Variants in EXOC6 observed in about 807,000 individuals in gnomAD.
EXOC6 encodes the protein exocyst complex component 6, also known as SEC15-like 1.
EXOC6 carries 60 observed loss-of-function variants against 112.5 expected under a neutral mutation model. The observed-to-expected ratio is 0.53, with a 90% CI of 0.43 to 0.66. The LOEUF (loss-of-function observed/expected upper bound fraction) is 0.66. Among genes scored for constraint, EXOC6 ranks in the 30% least tolerant of loss-of-function variants. EXOC6 has a pLI of 0.00. For missense variants in EXOC6, 855 were observed against 957.1 expected (o/e 0.89, Z 1.41); for synonymous variants, 295 against 308.0 (o/e 0.96, Z 0.44).
intron 14 of EXOC6, among the ~76,000 whole-genome samples, chr10:92,949,496 T>G (rs1346573919): frequency 1.3e-5 from 2 of 152,076 alleles, no homozygotes; most frequent in Non-Finnish European, 2.9e-5. Context: ...GGCTTAGTTT[T>G]TTTTTTTTTT....
intron 20 of EXOC6, among the ~76,000 whole-genome samples, chr10:93,056,662 C>G (rs116331824): frequency 6.6e-6 from 1 of 150,982 alleles, no homozygotes; most frequent in Non-Finnish European, 1.5e-5. Flanking sequence ...ATTATATTAA[C>G]ATTGTTTTCA....
chr10:92,843,976 CAAAA>C (rs34641974), upstream of EXOC6, among the ~76,000 whole-genome samples: 3 of 37,896 alleles, frequency 7.9e-5, no homozygotes, highest in African/African-American at 3.7e-4. Flanking sequence ...GACTCTGTCT[CAAAA>C]AAAAAAAAAA....
At chr10:93,001,399 C>G (rs188615626) in intron 19 of EXOC6, among the ~76,000 whole-genome samples, 1 of 152,096 alleles carries the variant, frequency 6.6e-6, no homozygotes, top group Admixed American at 6.5e-5. Context: ...AAATACATTT[C>G]GATACAATAC....
At chr10:93,013,432 T>C (rs1359296264) in intron 19 of EXOC6, among the ~76,000 whole-genome samples, 1 of 151,680 alleles carries the variant, frequency 6.6e-6, no homozygotes, top group Non-Finnish European at 1.5e-5. Flanking sequence ...ATGGTGAAAC[T>C]CCATCTCTAC....
At chr10:92,861,534 CT>C (rs34731456) in intron 1 of EXOC6, among the ~76,000 whole-genome samples, 40 of 149,242 alleles carry the variant, frequency 2.7e-4, no homozygotes, top group South Asian at 1.7e-3. Context: ...CCATACTCAC[CT>C]TTTTTTTTTA....
At chr10:93,052,463 GAC>G (rs1236522795) in intron 20 of EXOC6, among the ~76,000 whole-genome samples, 2 of 152,110 alleles carry the variant, frequency 1.3e-5, no homozygotes, top group Non-Finnish European at 2.9e-5. Context: ...GTGTTTGCTG[GAC>G]ACACACAGGG....
At chr10:93,040,076 C>CTGT (rs1212469068) in intron 20 of EXOC6, among the ~76,000 whole-genome samples, 8 of 152,332 alleles carry the variant, frequency 5.3e-5, no homozygotes, top group African/African-American at 1.7e-4. Context: ...CAACCTCTCA[C>CTGT]TGTTGCTTTT....
chr10:92,974,977 C>G (rs993245529), intron 18 of EXOC6, among the ~76,000 whole-genome samples: 13 of 152,256 alleles, frequency 8.5e-5, no homozygotes, highest in Non-Finnish European at 1.5e-4. Context: ...CAGCCTCTGC[C>G]CGGCCGCCAC....
At chr10:92,842,812 G>A (rs1298068916) in intron 1 of EXOC6, among the ~76,000 whole-genome samples, 1 of 152,110 alleles carries the variant, frequency 6.6e-6, no homozygotes, top group Non-Finnish European at 1.5e-5. Flanking sequence ...GTTTAGTTTT[G>A]AGGGCTTTCA....
At chr10:92,925,223 T>G (rs959479973) in intron 8 of EXOC6, among the ~76,000 whole-genome samples, 1 of 152,214 alleles carries the variant, frequency 6.6e-6, no homozygotes, top group African/African-American at 2.4e-5. Context: ...TTTATTGTCT[T>G]GATTTTAAGG....
intron 20 of EXOC6, among the ~76,000 whole-genome samples, chr10:93,023,370 G>A (rs982086308): frequency 6.6e-6 from 1 of 152,176 alleles, no homozygotes; most frequent in African/African-American, 2.4e-5. Context: ...CATCGGGATT[G>A]CCCTCTTCTA....
chr10:92,831,422 TA>T (rs1342268748), upstream of EXOC6: 4 of 919,184 alleles, frequency 4.4e-6, no homozygotes, highest in Non-Finnish European at 5.9e-6. Flanking sequence ...TTCTATACTA[TA>T]TTCTATTTTT....
upstream of EXOC6, chr10:92,831,344 G>T (rs1846472780): frequency 1.3e-5 from 17 of 1,288,832 alleles, no homozygotes; most frequent in Non-Finnish European, 1.7e-5. Flanking sequence ...GAGGAGCGGG[G>T]TCATGCAGTG....
At chr10:92,901,021 G>A (rs903321482) in intron 5 of EXOC6, 2 of 151,694 alleles carry the variant, frequency 1.3e-5, no homozygotes, top group African/African-American at 2.4e-5. Context: ...TGTAGACCAG[G>A]GCATTTTGGA....
At chr10:92,933,698 A>T (rs1852186176) in intron 9 of EXOC6, among the ~76,000 whole-genome samples, 1 of 152,214 alleles carries the variant, frequency 6.6e-6, no homozygotes, top group Non-Finnish European at 1.5e-5. Context: ...AACAATAGGC[A>T]ATCATAAAAC....
intron 1 of EXOC6, among the ~76,000 whole-genome samples, chr10:92,892,457 A>G (rs1299102115): frequency 1.3e-5 from 2 of 152,224 alleles, no homozygotes. Flanking sequence ...TCATATAGCC[A>G]TGACTGACTA....
intron 18 of EXOC6, among the ~76,000 whole-genome samples, chr10:92,986,714 T>C (rs1843024760): frequency 6.6e-6 from 1 of 151,634 alleles, no homozygotes; most frequent in Admixed American, 6.6e-5. Flanking sequence ...GAATACCATA[T>C]ATTTTATTAT....
At chr10:92,934,096 G>A in intron 9 of EXOC6, 48 bp from the exon 10 acceptor site, 1 of 1,150,820 alleles carries the variant, frequency 8.7e-7, no homozygotes, top group Non-Finnish European at 1.3e-6. Context: ...TTACCTTTAT[G>A]TTACCAGTAT....
chr10:92,998,847 T>C (rs1843618115), intron 19 of EXOC6, among the ~76,000 whole-genome samples: 1 of 152,132 alleles, frequency 6.6e-6, no homozygotes, highest in Non-Finnish European at 1.5e-5. Context: ...GTAAAGCTAT[T>C]GTTTGACAAA....
Sources: gnomAD v4.1 joint callset for allele counts (sites outside exome capture counted in the v4.1 genomes callset) on GRCh38, gnomAD v4.1.1 for gene constraint, MANE v1.5 for transcripts, NCBI Gene and HGNC (gene_info 2026-07-23, HGNC 2026-07-21) for gene names.